The following PPA1 variants were observed in gnomAD, a reference collection of about 807,000 sequenced individuals.
PPA1 encodes inorganic pyrophosphatase 1, also known as inorganic pyrophosphatase.
A neutral mutation model predicts 41.8 loss-of-function variants in PPA1; 23 were observed. The ratio of observed to expected loss-of-function variants is 0.55; its 90% CI spans 0.40 to 0.78. The LOEUF is 0.78. PPA1 is among the 30% of genes least tolerant of loss of function. PPA1 has a pLI of 0.00. For synonymous variants in PPA1, 101 were observed against 116.8 expected (o/e 0.86, Z 0.87); for missense variants, 320 against 361.6 (o/e 0.89, Z 0.93).
chr10:70,223,222 A>AGAGG (rs1840195227), intron 2 of PPA1, among the ~76,000 whole-genome samples: 2 of 151,044 alleles, frequency 1.3e-5, no homozygotes, highest in Non-Finnish European at 3.0e-5. Flanking sequence ...TTTTAAAGAG[A>AGAGG]GAGAGAGAGA....
chr10:70,207,435 G>T (rs1589890244), intron 8 of PPA1, among the ~76,000 whole-genome samples: 1 of 152,162 alleles, frequency 6.6e-6, no homozygotes, highest in Admixed American at 6.5e-5. Flanking sequence ...TGGAGGCTGA[G>T]GTGTGAGAGG....
At position 70,233,249 on chromosome 10, in the gene PPA1, G is replaced by A; in HGVS notation, c.64+15C>T. 1 of 1,535,212 alleles carries A rather than the reference G, an allele frequency of 6.5e-7. No individual in the cohort carries two copies. Among genetic ancestry groups the A allele is most frequent in the South Asian group, 1.2e-5 (1 of 82,080 alleles). ...GCGGACGGGCGCGGAGGGGCCACGG[G>A]CCGCAGACACTCACTGAGGAAGACT... On this transcript the variant is annotated intron_variant, in intron 1 of 10. Transcript: ENST00000373232.
intron 2 of PPA1, among the ~76,000 whole-genome samples, chr10:70,227,271 C>G (rs981758047): frequency 1.3e-5 from 2 of 152,202 alleles, no homozygotes; most frequent in Non-Finnish European, 2.9e-5. Context: ...ATAATCAAAG[C>G]AGGGTACGCG....
At chr10:70,224,715 T>C (rs918659682) in intron 2 of PPA1, among the ~76,000 whole-genome samples, 1 of 149,866 alleles carries the variant, frequency 6.7e-6, no homozygotes, top group African/African-American at 2.5e-5. Context: ...TATTGAGACT[T>C]ATTTCTTATT....
intron 4 of PPA1, among the ~76,000 whole-genome samples, chr10:70,217,506 C>A (rs1840092914): frequency 6.6e-6 from 1 of 152,134 alleles, no homozygotes; most frequent in Admixed American, 6.6e-5. Context: ...TACACTCTTT[C>A]TTGACTGAAC....
intron 6 of PPA1, among the ~76,000 whole-genome samples, chr10:70,211,390 C>G (rs771567151): frequency 1.3e-4 from 20 of 152,158 alleles, no homozygotes; most frequent in Non-Finnish European, 2.6e-4. Flanking sequence ...GGGGCTCAGT[C>G]TCACAAGACT....
Position 70,218,769 on chromosome 10 carries a change from T to A in PPA1, c.172A>T (p.Met58Leu). ...VEVPRWSNAK[M>L]EIATKDPLNP... ...AATGTAAGGTGAAATATTACCTCCATTTTTGCATTAGACCAGCGTGGTACT... is the reference window on the plus strand; with the variant it reads ...AATGTAAGGTGAAATATTACCTCCAATTTTGCATTAGACCAGCGTGGTACT... Residue 58 changes from methionine to leucine, a missense_variant, in exon 3 of 11, where the codon ATG (methionine) becomes TTG (leucine). Met to Leu is a conservative substitution (Grantham distance 15). Transcript: ENST00000373232. The A allele has an allele frequency of 6.2e-7, 1 of 1,608,482 alleles. No homozygotes were observed. The highest frequency in any genetic ancestry group is 8.5e-7 in the Non-Finnish European group (1 of 1,175,110).
intron 2 of PPA1, among the ~76,000 whole-genome samples, 173 bp downstream of exon 2, chr10:70,230,168 C>T (rs1840274028): frequency 6.6e-6 from 1 of 152,070 alleles, no homozygotes; most frequent in Non-Finnish European, 1.5e-5. Context: ...CTCAGCCTCC[C>T]AAAGTGCTGG....
chr10:70,222,949 T>C (rs938237225), intron 2 of PPA1, among the ~76,000 whole-genome samples: 1 of 151,796 alleles, frequency 6.6e-6, no homozygotes, highest in African/African-American at 2.4e-5. Context: ...TTTTTGTCCT[T>C]GCAACAGTTT....
At chr10:70,212,030 T>C (rs1840026038) in intron 6 of PPA1, among the ~76,000 whole-genome samples, 1 of 152,222 alleles carries the variant, frequency 6.6e-6, no homozygotes, top group Admixed American at 6.5e-5. Context: ...CTCCATCACC[T>C]GGCTGAGGCA....
In PPA1 at chr10:70,227,375, C is replaced by T. The variant is rs1840240370; in HGVS notation, c.123+2966G>A. Among the ~76,000 whole-genome samples, 3 of 152,198 alleles carry T rather than the reference C, an allele frequency of 2.0e-5. 1 individual carries two copies. In the South Asian group the frequency reaches 6.2e-4, roughly 31 times the overall value. ...TTAAAAGGTCCTGATATGGGTTGGA[C>T]ACAGTGGCTCACGCCTGCAACCCCA... On this transcript the variant is annotated intron_variant, in intron 2 of 10. Transcript: ENST00000373232.
intron 4 of PPA1, among the ~76,000 whole-genome samples, chr10:70,216,135 GT>G (rs1271339954): frequency 1.3e-5 from 2 of 152,156 alleles, no homozygotes; most frequent in African/African-American, 4.8e-5. Context: ...CCACAGAAGA[GT>G]AAGTATTTCA....
intron 8 of PPA1, among the ~76,000 whole-genome samples, chr10:70,207,699 C>T (rs1250401382): frequency 2.0e-5 from 3 of 151,984 alleles, no homozygotes; most frequent in Admixed American, 2.0e-4. Flanking sequence ...ATGCTTATTA[C>T]ATAGTGTTAA....
intron 2 of PPA1, among the ~76,000 whole-genome samples, chr10:70,220,496 ATATAATTT>A (rs1212302328): frequency 1.5e-4 from 15 of 102,884 alleles, no homozygotes; most frequent in East Asian, 6.9e-4. Context: ...TATATATATT[ATATAATTT>A]TATATATATA....
chr10:70,203,200 A>G lies in PPA1; in HGVS notation c.839-14T>C. On this transcript the variant is annotated splice_polypyrimidine_tract_variant and intron_variant, in intron 10 of 10. Transcript: ENST00000373232. ...ACCACTTATCCACTGTATTCAGAGA[A>G]AAGAAAAACAAATTAGAATTCCTGT... 4 of 1,599,186 alleles carry G rather than the reference A, an allele frequency of 2.5e-6. No individual in the cohort carries two copies. The East Asian group carries it at 8.9e-5, about 36-fold the overall frequency.
At chr10:70,226,332 T>C (rs375513305) in intron 2 of PPA1, among the ~76,000 whole-genome samples, 2 of 152,100 alleles carry the variant, frequency 1.3e-5, no homozygotes, top group Non-Finnish European at 2.9e-5. Flanking sequence ...CCCAGCACTT[T>C]GGGAGCTGAG....
rs1564584590 is a variant in PPA1 at position 70,221,055 on chromosome 10, AATTTATATATATATATATATATTTT to A, written c.124-2263_124-2239del. On this transcript the variant is annotated intron_variant, in intron 2 of 10. Coordinates refer to ENST00000373232, the MANE Select transcript of PPA1 (RefSeq NM_021129.4). ...ATATATATAAATTATATATATATATAATTTATATATATATATATATATTTTTTTTTTTTTTTTTTTGTAGAGATGG... is the reference window on the plus strand; with the variant it reads ...ATATATATAAATTATATATATATATATTTTTTTTTTTTTTTGTAGAGATGG... Among the ~76,000 whole-genome samples, 98 of 41,664 alleles carry A rather than the reference AATTTATATATATATATATATATTTT, an allele frequency of 2.4e-3. 13 individuals are homozygous for A. The highest frequency in any genetic ancestry group is 0.021 in the African/African-American group (94 of 4,462). The allele number at this position is 41,664 out of a possible 152,430, so 27.3% of individuals were successfully genotyped here.
At chr10:70,212,876 A>T (rs1445529175) in intron 6 of PPA1, among the ~76,000 whole-genome samples, 3 of 152,198 alleles carry the variant, frequency 2.0e-5, no homozygotes, top group Non-Finnish European at 2.9e-5. Flanking sequence ...ATACGGATGA[A>T]TCCTGAAGAC....
chr10:70,209,504 T>C, intron 7 of PPA1, 54 bp downstream of exon 7: 1 of 1,529,888 alleles, frequency 6.5e-7, no homozygotes, highest in Non-Finnish European at 8.8e-7. Context: ...TATGGTTAAA[T>C]TATGAGTCTC....
Sources: allele counts gnomAD v4.1 joint callset (sites outside exome capture counted in the v4.1 genomes callset), GRCh38; gene constraint gnomAD v4.1.1; transcripts MANE v1.5; gene names NCBI Gene and HGNC (gene_info 2026-07-23, HGNC 2026-07-21).